Variants in DIP2A observed in about 807,000 individuals in gnomAD.
DIP2A encodes disco-interacting protein 2 homolog A.
Under a neutral mutation model 177.4 loss-of-function variants are expected in DIP2A, and 85 were observed. That is an observed-to-expected ratio of 0.48 (90% CI 0.40 to 0.57). The LOEUF (loss-of-function observed/expected upper bound fraction) is 0.57. DIP2A is among the 20% of genes least tolerant of loss of function. DIP2A has a pLI of 0.00. For missense variants in DIP2A, 1,791 were observed against 2,100.2 expected (o/e 0.85, Z 2.88); for synonymous variants, 886 against 881.8 (o/e 1.00, Z -0.08).
intron 16 of DIP2A, chr21:46,538,825 A>T (rs923913080): frequency 7.4e-5 from 44 of 598,544 alleles, no homozygotes; most frequent in Non-Finnish European, 1.2e-4. Context: ...AATATGCTTG[A>T]TGAAAGGTAC....
At chr21:46,501,675 G>C (rs947048767) in intron 5 of DIP2A, among the ~76,000 whole-genome samples, 14 of 151,914 alleles carry the variant, frequency 9.2e-5, no homozygotes, top group African/African-American at 3.1e-4. Context: ...CTCATGCCTT[G>C]GCCTTTCAAA....
intron 2 of DIP2A, among the ~76,000 whole-genome samples, chr21:46,487,472 C>T (rs1305029299): frequency 2.0e-5 from 3 of 152,134 alleles, no homozygotes; most frequent in Non-Finnish European, 2.9e-5. Flanking sequence ...TCTTATTACA[C>T]ATTATTTGGG....
Position 46,567,776 on chromosome 21 carries a change from C to A in DIP2A, c.*154C>A. On this transcript the variant is annotated 3_prime_UTR_variant, in exon 38 of 38. Coordinates refer to ENST00000417564, the MANE Select transcript of DIP2A (RefSeq NM_015151.4). ...AATCCCCGCATCTCCTTTTAGAAAG[C>A]ACTTCCTGAATTATTTAAAGAAATA... is the stretch of plus-strand genomic sequence containing the variant. 1.2e-6 allele frequency: 1 copy of A among 841,116 alleles called. No individual in the cohort carries two copies. The highest frequency in any genetic ancestry group is 1.7e-6 in the Non-Finnish European group (1 of 590,020). The allele number at this position is 841,116 out of a possible 1,614,324, so 52.1% of individuals were successfully genotyped here.
intron 3 of DIP2A, 92 bp from the exon 4 acceptor site, chr21:46,496,896 C>T: frequency 7.5e-7 from 1 of 1,334,306 alleles, no homozygotes; most frequent in Admixed American, 2.8e-5. Flanking sequence ...TCCTTTTACC[C>T]CCACTGAAAA....
chr21:46,486,583 G>C (rs779793228), intron 2 of DIP2A, among the ~76,000 whole-genome samples: 8 of 152,162 alleles, frequency 5.3e-5, no homozygotes, highest in African/African-American at 1.9e-4. Flanking sequence ...ATTCAAATAG[G>C]TTATTTCATA....
At chr21:46,567,239 G>A (rs779490635) in intron 37 of DIP2A, 131 bp from the exon 38 acceptor site, 4 of 1,337,774 alleles carry the variant, frequency 3.0e-6, no homozygotes, top group Non-Finnish European at 3.1e-6. Flanking sequence ...TCTTTAGATT[G>A]TAAATGGCCT....
intron 27 of DIP2A, 54 bp downstream of exon 27, chr21:46,554,750 G>A (rs2060399081): frequency 1.3e-6 from 2 of 1,545,696 alleles, no homozygotes; most frequent in Admixed American, 2.0e-5. Flanking sequence ...CTGCAAGGCT[G>A]CCCTCCGCTG....
intron 18 of DIP2A, among the ~76,000 whole-genome samples, chr21:46,543,882 C>G (rs2059925211): frequency 1.3e-5 from 2 of 152,188 alleles, no homozygotes; most frequent in Non-Finnish European, 1.5e-5. Flanking sequence ...TGGCTGCATT[C>G]TCTCTGCAAA....
Position 46,557,330 on chromosome 21 carries a change from T to C in DIP2A, c.3630-255T>C. The C allele has an allele frequency of 3.2e-6, 2 of 628,360 alleles. No homozygotes were observed. Among genetic ancestry groups the C allele is most frequent in the Non-Finnish European group, 5.4e-6 (2 of 368,496 alleles). The allele number at this position is 628,360 out of a possible 1,614,324, so 38.9% of individuals were successfully genotyped here. On this transcript the variant is annotated intron_variant, in intron 30 of 37. Transcript: ENST00000417564. This position sits in a 1 kb window ranked among gnomAD's most constrained non-coding sequence, Gnocchi z 6.0. ...AAACACTAGAAAGTGGCGATCCGTC[T>C]CTAGAAGTGAATGCCTCTGGAGTGG...
intron 8 of DIP2A, among the ~76,000 whole-genome samples, chr21:46,513,505 C>T (rs1238160609): frequency 6.6e-6 from 1 of 152,100 alleles, no homozygotes; most frequent in East Asian, 1.9e-4. Context: ...ATTAGGAGTC[C>T]TCTTGCTCTG....
chr21:46,463,680 T>TTGTGTGTGTGTGTGTG lies in DIP2A; in HGVS notation c.91+4482_91+4497dup, dbSNP rs5844275. On this transcript the variant is annotated intron_variant, in intron 1 of 37. Transcript: ENST00000417564. ...TTAATTTCTAAAATCTGGGATATAT[T>TTGTGTGTGTGTGTGTG]TGTGTGTGTGTGTGTGTGTGTGTGT... Among the ~76,000 whole-genome samples the TTGTGTGTGTGTGTGTG allele has an allele frequency of 4.0e-3, 527 of 131,006 alleles. 3 individuals carry two copies. Among genetic ancestry groups the TTGTGTGTGTGTGTGTG allele is most frequent in the Non-Finnish European group, 5.7e-3 (352 of 62,166 alleles). 85.9% of individuals were successfully genotyped at this position (131,006 alleles called of 152,430 possible).
rs185926364 is a variant in DIP2A, at chr21:46,549,767, G to A, written c.2523-4G>A. Reference sequence around the variant, plus strand: ...TGTGGCCATTTCCATGTCTCATCCCGCAGGATCGCTGTGTTCTCTGTGACC... The same window carrying A: ...TGTGGCCATTTCCATGTCTCATCCCACAGGATCGCTGTGTTCTCTGTGACC... On this transcript the variant is annotated splice_polypyrimidine_tract_variant and splice_region_variant and intron_variant, in intron 21 of 37. Coordinates refer to ENST00000417564, the MANE Select transcript of DIP2A (RefSeq NM_015151.4). The A allele has an allele frequency of 3.2e-4, 518 of 1,613,412 alleles. 1 individual carries two copies. Among genetic ancestry groups the A allele is most frequent in the Non-Finnish European group, 1.8e-4 (209 of 1,179,900 alleles).
chr21:46,494,702 G>A lies in DIP2A; in HGVS notation c.284-2286G>A, dbSNP rs184150709. On this transcript the variant is annotated intron_variant, in intron 3 of 37. Coordinates refer to ENST00000417564, the MANE Select transcript of DIP2A (RefSeq NM_015151.4). Reference sequence around the variant, plus strand: ...CCTCCAATGGCAACCAATTGATTGCGTTTCCTCTTTTCCTTTTTCTTCTTT... The same window carrying A: ...CCTCCAATGGCAACCAATTGATTGCATTTCCTCTTTTCCTTTTTCTTCTTT... Among the ~76,000 whole-genome samples the A allele has an allele frequency of 1.2e-3, 184 of 152,272 alleles. 2 individuals carry two copies. The highest frequency in any genetic ancestry group is 3.4e-3 in the African/African-American group (141 of 41,552).
At chr21:46,534,499 T>C in intron 12 of DIP2A, 86 bp from the exon 13 acceptor site, 3 of 1,314,614 alleles carry the variant, frequency 2.3e-6, no homozygotes, top group Non-Finnish European at 3.2e-6. Flanking sequence ...GACCACTTCT[T>C]CTTTTGAAGA....
In DIP2A at chr21:46,498,726, C is replaced by T; in HGVS notation, c.548C>T (p.Thr183Ile). The T allele has an allele frequency of 6.2e-7, 1 of 1,613,950 alleles. No homozygotes were observed. The change falls in exon 5 of 38, where the codon ACC (threonine) becomes ATC (isoleucine). Residue 183 changes from threonine to isoleucine, a missense_variant. Physicochemically the swap from Thr to Ile is moderately conservative, Grantham distance 89. Coordinates refer to ENST00000417564, the MANE Select transcript of DIP2A (RefSeq NM_015151.4). The surrounding 1 kb of genome is among the most constrained non-coding windows in gnomAD (Gnocchi z 4.3). ...TCCACCTCATCCTCTGCATCCTCCACCTCATCTCACCCGGGAGGGAGACCC... is the reference window on the plus strand; with the variant it reads ...TCCACCTCATCCTCTGCATCCTCCATCTCATCTCACCCGGGAGGGAGACCC... ...GSSTSSSASS[T>I]SSHPGGRPTT...
intron 1 of DIP2A, among the ~76,000 whole-genome samples, chr21:46,474,995 A>C (rs1476773551): frequency 2.0e-5 from 3 of 152,144 alleles, no homozygotes; most frequent in Non-Finnish European, 4.4e-5. Flanking sequence ...GAGTCTGCTG[A>C]TGTATTCCTG....
At chr21:46,489,242 C>T (rs1172481015) in intron 2 of DIP2A, among the ~76,000 whole-genome samples, 1 of 152,250 alleles carries the variant, frequency 6.6e-6, no homozygotes, top group East Asian at 1.9e-4. Context: ...AAAATGTACA[C>T]AGTACTTGAA....
intron 34 of DIP2A, 101 bp downstream of exon 34, chr21:46,561,906 C>G (rs1158060319): frequency 5.2e-6 from 8 of 1,532,300 alleles, no homozygotes; most frequent in African/African-American, 1.4e-5. Context: ...CTGATGAACA[C>G]AGGTCGACTT....
intron 2 of DIP2A, among the ~76,000 whole-genome samples, chr21:46,485,203 G>A (rs534556591): frequency 4.9e-4 from 75 of 151,924 alleles, no homozygotes; most frequent in African/African-American, 1.7e-3. Context: ...AGATTGATTT[G>A]TAGATTCAGT....
Sources: allele counts gnomAD v4.1 joint callset (sites outside exome capture counted in the v4.1 genomes callset), GRCh38; gene constraint gnomAD v4.1.1; non-coding constraint Gnocchi (gnomAD v3.1); transcripts MANE v1.5; gene names NCBI Gene and HGNC (gene_info 2026-07-23, HGNC 2026-07-21).